CCBE1: variants seen among roughly 807,000 people sequenced by gnomAD.
CCBE1 encodes the protein collagen and calcium binding EGF domains 1.
A neutral mutation model predicts 50.0 loss-of-function variants in CCBE1; 37 were observed. That is an observed-to-expected ratio of 0.74 (90% CI 0.57 to 0.97). The LOEUF (loss-of-function observed/expected upper bound fraction) is 0.97. CCBE1 is among the 50% of genes least tolerant of loss of function. The pLI is 0.00. For synonymous variants in CCBE1, 234 were observed against 203.7 expected (o/e 1.15, Z -1.27); for missense variants, 538 against 523.8 (o/e 1.03, Z -0.26).
At chr18:59,642,685 C>A (rs986253806) in intron 2 of CCBE1, among the ~76,000 whole-genome samples, 11 of 152,148 alleles carry the variant, frequency 7.2e-5, no homozygotes, top group Admixed American at 4.6e-4. Flanking sequence ...CGCGGTGGCT[C>A]ACGCCTGTAA....
At chr18:59,516,328 C>T (rs1027268189) in intron 2 of CCBE1, among the ~76,000 whole-genome samples, 1 of 152,070 alleles carries the variant, frequency 6.6e-6, no homozygotes, top group Non-Finnish European at 1.5e-5. Flanking sequence ...AGGACACAGA[C>T]TTTCCTCTTC....
chr18:59,482,309 G>C (rs1331564072), intron 2 of CCBE1, among the ~76,000 whole-genome samples: 1 of 152,220 alleles, frequency 6.6e-6, no homozygotes, highest in Non-Finnish European at 1.5e-5. Context: ...ATGCTGGAGA[G>C]GATGTGGAGA....
At chr18:59,496,191 C>T (rs932583216) in intron 2 of CCBE1, among the ~76,000 whole-genome samples, 35 of 152,266 alleles carry the variant, frequency 2.3e-4, no homozygotes, top group Admixed American at 9.2e-4. Flanking sequence ...GAATATCTTA[C>T]GGGTTACAGG....
At position 59,490,375 on chromosome 18, in the gene CCBE1, A is replaced by C. The variant is rs1340268814; in HGVS notation, c.213-10137T>G. 2.1e-5 allele frequency among the ~76,000 whole-genome samples: 3 copies of C among 142,896 alleles called. No homozygotes were observed. The East Asian group carries it at 7.2e-4, about 34-fold the overall frequency. 93.7% of individuals were successfully genotyped at this position (142,896 alleles called of 152,430 possible). On this transcript the variant is annotated intron_variant, in intron 2 of 10. Coordinates refer to ENST00000439986, the MANE Select transcript of CCBE1 (RefSeq NM_133459.4). ...GGTTCTCTTTATGCAGGTGCGAGAC[A>C]GGATATTCCCCCTTTTTTTTTTTTT...
intron 2 of CCBE1, among the ~76,000 whole-genome samples, chr18:59,485,825 T>G (rs996884095): frequency 7.2e-5 from 11 of 151,830 alleles, no homozygotes; most frequent in African/African-American, 2.7e-4. Flanking sequence ...GGTCTCGAAC[T>G]CCTGACCTCA....
intron 2 of CCBE1, among the ~76,000 whole-genome samples, chr18:59,652,413 G>A (rs540268517): frequency 7.8e-4 from 119 of 152,202 alleles, no homozygotes; most frequent in African/African-American, 2.7e-3. Flanking sequence ...GGTGAATGGG[G>A]TAAATTCCTC....
At chr18:59,679,542 C>T (rs887312210) in intron 2 of CCBE1, among the ~76,000 whole-genome samples, 1 of 152,110 alleles carries the variant, frequency 6.6e-6, no homozygotes, top group Non-Finnish European at 1.5e-5. Context: ...TTCGTATGAG[C>T]ATATGACTCT....
intron 2 of CCBE1, among the ~76,000 whole-genome samples, chr18:59,661,070 G>T (rs2054278235): frequency 6.6e-6 from 1 of 151,864 alleles, no homozygotes; most frequent in African/African-American, 2.4e-5. Context: ...TTTCCCTGGA[G>T]ATAGTCCAAC....
chr18:59,473,708 C>T (rs112357405), intron 3 of CCBE1, among the ~76,000 whole-genome samples: 35 of 87,260 alleles, frequency 4.0e-4, no homozygotes, highest in African/African-American at 1.4e-3. Flanking sequence ...CTACTCCCCC[C>T]CTACTACTCA....
chr18:59,624,447 A>C (rs1330298468), intron 2 of CCBE1, among the ~76,000 whole-genome samples: 2 of 152,234 alleles, frequency 1.3e-5, no homozygotes, highest in African/African-American at 4.8e-5. Context: ...TTTTAAAAAT[A>C]TATTTGTGAT....
chr18:59,648,623 A>T (rs2054087060), intron 2 of CCBE1, among the ~76,000 whole-genome samples: 1 of 152,048 alleles, frequency 6.6e-6, no homozygotes, highest in Admixed American at 6.6e-5. Context: ...AATTGCTTGA[A>T]CCCAGGAGGC....
chr18:59,541,246 C>A (rs976523481), intron 2 of CCBE1, among the ~76,000 whole-genome samples: 1 of 152,136 alleles, frequency 6.6e-6, no homozygotes, highest in Admixed American at 6.6e-5. Flanking sequence ...CACTTAAATT[C>A]TATTCAGTAC....
At chr18:59,518,265 G>A (rs781042496) in intron 2 of CCBE1, among the ~76,000 whole-genome samples, 4 of 152,190 alleles carry the variant, frequency 2.6e-5, no homozygotes, top group Non-Finnish European at 4.4e-5. Context: ...GAGGCTGGCA[G>A]ATCACTTGAA....
In CCBE1 at chr18:59,507,558, A is replaced by G. The variant is rs561088348; in HGVS notation, c.213-27320T>C. Among the ~76,000 whole-genome samples the G allele has an allele frequency of 5.9e-5, 9 of 152,276 alleles. 1 individual carries two copies. The South Asian group carries it at 1.9e-3, about 32-fold the overall frequency. Reference sequence around the variant, plus strand: ...GAGGATCTTCAGCTTCTGACTCTGTACTTGTCCAACCCACTTCCAGAAAGT... The same window carrying G: ...GAGGATCTTCAGCTTCTGACTCTGTGCTTGTCCAACCCACTTCCAGAAAGT... On this transcript the variant is annotated intron_variant, in intron 2 of 10. Coordinates refer to ENST00000439986, the MANE Select transcript of CCBE1 (RefSeq NM_133459.4).
chr18:59,616,717 A>G (rs2053641340), intron 2 of CCBE1, among the ~76,000 whole-genome samples: 1 of 152,244 alleles, frequency 6.6e-6, no homozygotes, highest in Non-Finnish European at 1.5e-5. Flanking sequence ...AGGATTAGAC[A>G]AGTTGCATTA....
chr18:59,667,770 C>T (rs1380484478), intron 2 of CCBE1, among the ~76,000 whole-genome samples: 1 of 152,032 alleles, frequency 6.6e-6, no homozygotes, highest in Non-Finnish European at 1.5e-5. Context: ...CAAAGCAGGA[C>T]AGGAAAGAAT....
chr18:59,439,643 CA>C (rs768755023), intron 8 of CCBE1, 33 bp downstream of exon 8: 8 of 1,614,052 alleles, frequency 5.0e-6, no homozygotes, highest in Non-Finnish European at 5.9e-6. Flanking sequence ...CATTTTCCCC[CA>C]AAAAGGAAGT....
chr18:59,642,887 T>G (rs1298186473), intron 2 of CCBE1, among the ~76,000 whole-genome samples: 1 of 144,836 alleles, frequency 6.9e-6, no homozygotes, highest in Non-Finnish European at 1.5e-5. Flanking sequence ...AGGCGGAGGT[T>G]GCAGTGAACC....
At chr18:59,629,711 G>A (rs183149845) in intron 2 of CCBE1, among the ~76,000 whole-genome samples, 2 of 152,326 alleles carry the variant, frequency 1.3e-5, no homozygotes, top group Non-Finnish European at 2.9e-5. Context: ...AGTAGTCTCC[G>A]AGAGCCCTGG....
Sources: allele counts gnomAD v4.1 joint callset (sites outside exome capture counted in the v4.1 genomes callset), GRCh38; gene constraint gnomAD v4.1.1; transcripts MANE v1.5; gene names NCBI Gene and HGNC (gene_info 2026-07-23, HGNC 2026-07-21).